Variants in ARMC8 observed in about 807,000 individuals in gnomAD.
The protein encoded by ARMC8 is armadillo repeat-containing protein 8.
ARMC8 carries 20 observed loss-of-function variants against 99.3 expected under a neutral mutation model. The observed-to-expected ratio is 0.20, with a 90% CI of 0.14 to 0.29. The LOEUF (loss-of-function observed/expected upper bound fraction) is 0.29. Among genes scored for constraint, ARMC8 ranks in the 10% least tolerant of loss-of-function variants. The pLI, the probability that ARMC8 is intolerant of heterozygous loss-of-function variation, is 1.00. For synonymous variants in ARMC8, 263 were observed against 278.3 expected (o/e 0.95, Z 0.55); for missense variants, 569 against 809.5 (o/e 0.70, Z 3.60).
intron 21 of ARMC8, among the ~76,000 whole-genome samples, chr3:138,293,822 A>G (rs2051215225): frequency 6.6e-6 from 1 of 152,194 alleles, no homozygotes; most frequent in South Asian, 2.1e-4. Flanking sequence ...ATGACATAGG[A>G]TGGTAGGATA....
chr3:138,224,948 A>G (rs539543919), intron 5 of ARMC8, among the ~76,000 whole-genome samples: 2 of 152,122 alleles, frequency 1.3e-5, no homozygotes, highest in Admixed American at 1.3e-4. Flanking sequence ...TTTACGCTAG[A>G]TGAATGATAG....
intron 21 of ARMC8, among the ~76,000 whole-genome samples, chr3:138,291,385 T>G (rs1040974586): frequency 7.2e-5 from 11 of 152,232 alleles, no homozygotes; most frequent in Non-Finnish European, 1.3e-4. Flanking sequence ...CATTTACACA[T>G]TCTGTTCCAT....
chr3:138,202,575 T>A (rs1184198097), intron 1 of ARMC8, among the ~76,000 whole-genome samples: 2 of 152,204 alleles, frequency 1.3e-5, no homozygotes, highest in African/African-American at 4.8e-5. Context: ...TCTGTGTGAT[T>A]TGAGGCACAG....
intron 2 of ARMC8, among the ~76,000 whole-genome samples, chr3:138,218,691 T>G (rs149432033): frequency 6.6e-6 from 1 of 152,172 alleles, no homozygotes; most frequent in South Asian, 2.1e-4. Context: ...TTTTTGCCAC[T>G]CCACGGATAT....
At chr3:138,272,728 A>C (rs1370460474) in intron 16 of ARMC8, among the ~76,000 whole-genome samples, 2 of 152,158 alleles carry the variant, frequency 1.3e-5, no homozygotes, top group Admixed American at 6.5e-5. Flanking sequence ...TACAAAAATT[A>C]GCCAGGCGTG....
intron 18 of ARMC8, among the ~76,000 whole-genome samples, chr3:138,277,090 A>G (rs1305419058): frequency 6.6e-6 from 1 of 152,202 alleles, no homozygotes; most frequent in Non-Finnish European, 1.5e-5. Context: ...ATATCGACCA[A>G]TGGAACAGAC....
intron 2 of ARMC8, among the ~76,000 whole-genome samples, chr3:138,220,751 G>A (rs1372522793): frequency 1.3e-5 from 2 of 149,392 alleles, no homozygotes; most frequent in African/African-American, 2.5e-5. Flanking sequence ...GTGCAGTGGC[G>A]CGATCTCTGC....
chr3:138,277,845 TCA>T (rs1367225391), intron 18 of ARMC8, among the ~76,000 whole-genome samples: 26 of 152,336 alleles, frequency 1.7e-4, no homozygotes, highest in African/African-American at 5.8e-4. Flanking sequence ...TTTATTTGTA[TCA>T]TCAAAAATTA....
intron 1 of ARMC8, among the ~76,000 whole-genome samples, chr3:138,193,340 A>G (rs966812245): frequency 7.9e-5 from 12 of 151,850 alleles, no homozygotes; most frequent in Non-Finnish European, 1.6e-4. Flanking sequence ...AGCTCACTGC[A>G]ACCTCTGCCT....
chr3:138,255,695 A>C (rs2047364958), intron 12 of ARMC8, among the ~76,000 whole-genome samples: 1 of 152,236 alleles, frequency 6.6e-6, no homozygotes, highest in Non-Finnish European at 1.5e-5. Context: ...AGAAAAAAAC[A>C]AAAGCTGGGA....
At chr3:138,241,670 A>T (rs1253808818) in intron 10 of ARMC8, 113 bp from the exon 11 acceptor site, 2 of 916,282 alleles carry the variant, frequency 2.2e-6, no homozygotes, top group Non-Finnish European at 3.3e-6. Flanking sequence ...AGTAAAGGAA[A>T]TATATGATCA....
intron 18 of ARMC8, among the ~76,000 whole-genome samples, chr3:138,279,346 A>G (rs1184525475): frequency 6.6e-6 from 1 of 152,084 alleles, no homozygotes; most frequent in Non-Finnish European, 1.5e-5. Context: ...TATATGGTGA[A>G]TTCATTTGAT....
At position 138,296,873 on chromosome 3, in the gene ARMC8, A is replaced by C. The variant is rs2051535339; in HGVS notation, c.*981A>C. 2 of 152,192 alleles carry C rather than the reference A, an allele frequency of 1.3e-5. No individual in the cohort carries two copies. The highest frequency in any genetic ancestry group is 4.1e-4 in the South Asian group (2 of 4,828). 9.4% of individuals were successfully genotyped at this position (152,192 alleles called of 1,614,324 possible). ...AATTGCCCTAACTCCTGTCATTGGT[A>C]TTAGCAATATCTGGCCAGATTTAGA... On this transcript the variant is annotated 3_prime_UTR_variant, in exon 22 of 22. Transcript: ENST00000469044.
chr3:138,215,145 A>G (rs910595941), intron 2 of ARMC8, among the ~76,000 whole-genome samples: 14 of 152,356 alleles, frequency 9.2e-5, no homozygotes, highest in African/African-American at 3.4e-4. Context: ...AGCTGTTTGT[A>G]TACATATGTC....
At chr3:138,211,337 C>G (rs1312356159) in intron 2 of ARMC8, among the ~76,000 whole-genome samples, 3 of 152,150 alleles carry the variant, frequency 2.0e-5, no homozygotes, top group Non-Finnish European at 4.4e-5. Context: ...ATCACTGCTA[C>G]TATGTTTAGG....
chr3:138,211,005 A>G (rs2044665193), intron 2 of ARMC8, among the ~76,000 whole-genome samples: 1 of 151,370 alleles, frequency 6.6e-6, no homozygotes, highest in African/African-American at 2.4e-5. Context: ...TGGTGTTCTC[A>G]TTATGTTAAC....
In ARMC8 at chr3:138,235,119, G is replaced by A; in HGVS notation, c.609+5G>A. ...CTAACCTCACTGTCCTACAAAGTAA[G>A]ATGTTAAAAATTGTGGCCAGATTTG... On this transcript the variant is annotated splice_donor_5th_base_variant and intron_variant, in intron 7 of 21. Coordinates refer to ENST00000469044, the MANE Select transcript of ARMC8 (RefSeq NM_001363941.2). 1 of 1,608,700 alleles carries A rather than the reference G, an allele frequency of 6.2e-7. No homozygotes were observed. The highest frequency in any genetic ancestry group is 8.5e-7 in the Non-Finnish European group (1 of 1,175,764).
At chr3:138,199,030 G>T (rs112561814) in intron 1 of ARMC8, among the ~76,000 whole-genome samples, 4 of 152,214 alleles carry the variant, frequency 2.6e-5, no homozygotes, top group African/African-American at 9.6e-5. Context: ...AGGAATCTCA[G>T]TTTCCTTAGT....
chr3:138,230,483 T>C (rs1367652883), intron 6 of ARMC8, among the ~76,000 whole-genome samples: 1 of 152,012 alleles, frequency 6.6e-6, no homozygotes, highest in East Asian at 1.9e-4. Context: ...AAACCCCATC[T>C]CTACAAAAAA....
Sources: gnomAD v4.1 joint callset for allele counts (sites outside exome capture counted in the v4.1 genomes callset) on GRCh38, gnomAD v4.1.1 for gene constraint, MANE v1.5 for transcripts, NCBI Gene and HGNC (gene_info 2026-07-23, HGNC 2026-07-21) for gene names.